The following POFUT3 variants were observed in gnomAD, a reference collection of about 807,000 sequenced individuals.
POFUT3 encodes the protein protein O-fucosyltransferase 3, also known as GDP-fucose protein O-fucosyltransferase 3.
chr8:33,310,234 T>G, the POFUT3 span, among the ~76,000 whole-genome samples: 1 of 151,956 alleles, frequency 6.6e-6, no homozygotes, highest in Admixed American at 6.6e-5. Context: ...TTTTACTAAA[T>G]TGAAGGTAAC....
At chr8:33,382,020 T>C in the POFUT3 span, among the ~76,000 whole-genome samples, 7 of 152,152 alleles carry the variant, frequency 4.6e-5, no homozygotes, top group Non-Finnish European at 1.5e-5. Flanking sequence ...AGGCTGGGCA[T>C]AGTGGCTAAC....
chr8:33,323,685 C>T, the POFUT3 span, among the ~76,000 whole-genome samples: 45 of 152,120 alleles, frequency 3.0e-4, no homozygotes, highest in African/African-American at 1.1e-3. Context: ...GGAAGGGATA[C>T]GGGGCTATCA....
the POFUT3 span, among the ~76,000 whole-genome samples, chr8:33,341,743 G>T: frequency 6.6e-6 from 1 of 152,082 alleles, no homozygotes; most frequent in Non-Finnish European, 1.5e-5. Context: ...CAAAATCAAT[G>T]ACATTGAAAA....
chr8:33,347,629 A>G, the POFUT3 span, among the ~76,000 whole-genome samples: 6 of 152,254 alleles, frequency 3.9e-5, no homozygotes, highest in African/African-American at 1.4e-4. Flanking sequence ...GCAGAATTCA[A>G]AGTCATAAAT....
At chr8:33,394,463 T>C in the POFUT3 span, among the ~76,000 whole-genome samples, 1 of 152,124 alleles carries the variant, frequency 6.6e-6, no homozygotes, top group East Asian at 1.9e-4. Context: ...CCAGACTGAC[T>C]CCAGATCACA....
chr8:33,461,250 C>T, the POFUT3 span: 1 of 987,036 alleles, frequency 1.0e-6, no homozygotes, highest in African/African-American at 1.6e-5. Context: ...AGGAACCAAC[C>T]CTGATCCTGA....
At chr8:33,394,500 C>A in the POFUT3 span, among the ~76,000 whole-genome samples, 1 of 152,138 alleles carries the variant, frequency 6.6e-6, no homozygotes, top group African/African-American at 2.4e-5. Context: ...AGCAACACTG[C>A]CCCAGATCTG....
At chr8:33,414,871 C>T in the POFUT3 span, among the ~76,000 whole-genome samples, 1 of 151,932 alleles carries the variant, frequency 6.6e-6, no homozygotes, top group South Asian at 2.1e-4. Context: ...AAGCTCAGTG[C>T]CTGGCTCATT....
At chr8:33,324,780 AGATGAATTTGGAAGTC>A in the POFUT3 span, among the ~76,000 whole-genome samples, 2 of 151,528 alleles carry the variant, frequency 1.3e-5, no homozygotes, top group Non-Finnish European at 2.9e-5. Flanking sequence ...CCTATGTAAT[AGATGAATTTGGAAGTC>A]ATAGCTGCCC....
At chr8:33,453,339 G>A in the POFUT3 span, 1 of 1,614,204 alleles carries the variant, frequency 6.2e-7, no homozygotes. Context: ...GACCACCAGA[G>A]CATAATGGGG....
At chr8:33,308,295 A>G in the POFUT3 span, among the ~76,000 whole-genome samples, 9 of 152,232 alleles carry the variant, frequency 5.9e-5, no homozygotes, top group African/African-American at 1.7e-4. Context: ...TAAAAATTGA[A>G]TCATAAAAAT....
At chr8:33,429,735 C>T in the POFUT3 span, among the ~76,000 whole-genome samples, 1 of 152,000 alleles carries the variant, frequency 6.6e-6, no homozygotes, top group Non-Finnish European at 1.5e-5. Flanking sequence ...GTGACTCACA[C>T]CTGTAATCCC....
At chr8:33,445,439 C>A in the POFUT3 span, among the ~76,000 whole-genome samples, 1 of 152,122 alleles carries the variant, frequency 6.6e-6, no homozygotes, top group East Asian at 1.9e-4. Flanking sequence ...ATGAGATCAG[C>A]AGAAATCTCT....
At chr8:33,415,585 G>A in the POFUT3 span, among the ~76,000 whole-genome samples, 1 of 152,144 alleles carries the variant, frequency 6.6e-6, no homozygotes, top group Non-Finnish European at 1.5e-5. Flanking sequence ...CCAGCCAGGT[G>A]ACAGATTTAT....
At chr8:33,397,422 T>C in the POFUT3 span, among the ~76,000 whole-genome samples, 1 of 152,178 alleles carries the variant, frequency 6.6e-6, no homozygotes, top group East Asian at 1.9e-4. Context: ...TTATTGTCAT[T>C]GCCACTATCG....
At chr8:33,327,867 G>A in the POFUT3 span, among the ~76,000 whole-genome samples, 1 of 152,184 alleles carries the variant, frequency 6.6e-6, no homozygotes, top group Non-Finnish European at 1.5e-5. Context: ...TGACAGATTT[G>A]TTGGTAGAAT....
the POFUT3 span, among the ~76,000 whole-genome samples, chr8:33,388,276 G>A: frequency 5.3e-5 from 8 of 150,218 alleles, no homozygotes; most frequent in South Asian, 2.1e-4. Context: ...ATACTCCTTC[G>A]CCACGGCATT....
At chr8:33,330,052 G>A in the POFUT3 span, among the ~76,000 whole-genome samples, 2 of 152,164 alleles carry the variant, frequency 1.3e-5, no homozygotes, top group African/African-American at 2.4e-5. Context: ...CAATGCTTTA[G>A]TAAGGCAAGT....
the POFUT3 span, among the ~76,000 whole-genome samples, chr8:33,428,875 G>A: frequency 6.6e-6 from 1 of 152,166 alleles, no homozygotes; most frequent in Admixed American, 6.5e-5. Context: ...AGAACCATGA[G>A]CCAATAAATT....
Sources: gnomAD v4.1 joint callset for allele counts (sites outside exome capture counted in the v4.1 genomes callset) on GRCh38, gnomAD v4.1.1 for gene constraint, MANE v1.5 for transcripts, NCBI Gene and HGNC (gene_info 2026-07-23, HGNC 2026-07-21) for gene names.